Variants in ERBB4 observed in about 807,000 individuals in gnomAD.
ERBB4 encodes the protein receptor tyrosine-protein kinase erbB-4.
Under a neutral mutation model 158.0 loss-of-function variants are expected in ERBB4, and 42 were observed. The observed-to-expected ratio is 0.27, with a 90% confidence interval of 0.21 to 0.34. The LOEUF (loss-of-function observed/expected upper bound fraction) is 0.34. Among genes scored for constraint, ERBB4 ranks in the 10% least tolerant of loss-of-function variants. The pLI, the probability that ERBB4 is intolerant of heterozygous loss-of-function variation, is 1.00. For missense variants in ERBB4, 1,333 were observed against 1,624.1 expected (o/e 0.82, Z 3.08); for synonymous variants, 583 against 558.7 (o/e 1.04, Z -0.61).
At chr2:211,516,582 G>C (rs1007970798) in intron 20 of ERBB4, among the ~76,000 whole-genome samples, 1 of 151,914 alleles carries the variant, frequency 6.6e-6, no homozygotes, top group Non-Finnish European at 1.5e-5. Flanking sequence ...TGATCTGCTG[G>C]ACTCAGCCTC....
chr2:212,177,048 A>AT (rs2081688322), intron 1 of ERBB4, among the ~76,000 whole-genome samples: 1 of 151,866 alleles, frequency 6.6e-6, no homozygotes, highest in Admixed American at 6.6e-5. Flanking sequence ...TTCAAAAAAA[A>AT]TTAAATGAAA....
At chr2:211,571,041 C>CTTTTTTTTTTTTTTTTTTT (rs549254649) in intron 19 of ERBB4, among the ~76,000 whole-genome samples, 2 of 109,080 alleles carry the variant, frequency 1.8e-5, no homozygotes, top group African/African-American at 7.1e-5. Flanking sequence ...TACTCTTCTT[C>CTTTTTTTTTTTTTTTTTTT]TTTTTTTTTT....
chr2:211,679,647 A>T (rs1009950252), intron 12 of ERBB4, among the ~76,000 whole-genome samples: 7 of 149,848 alleles, frequency 4.7e-5, no homozygotes, highest in Non-Finnish European at 5.9e-5. Flanking sequence ...ATAGAGGGTA[A>T]GAAGGGGAGA....
intron 1 of ERBB4, among the ~76,000 whole-genome samples, chr2:212,404,185 C>T (rs1440624581): frequency 1.3e-5 from 2 of 152,032 alleles, no homozygotes; most frequent in African/African-American, 2.4e-5. Context: ...CCCTCAGTTC[C>T]AGCAGAAGCT....
intron 1 of ERBB4, among the ~76,000 whole-genome samples, chr2:212,276,037 T>C (rs1034268243): frequency 2.6e-5 from 4 of 151,798 alleles, no homozygotes; most frequent in African/African-American, 4.8e-5. Context: ...AGTGGACCCA[T>C]GCAGTTCAAG....
chr2:211,409,500 C>T (rs1003142197), intron 25 of ERBB4, among the ~76,000 whole-genome samples: 2 of 152,160 alleles, frequency 1.3e-5, no homozygotes, highest in African/African-American at 4.8e-5. Flanking sequence ...AGTCCCGATA[C>T]AGACATTGTT....
At chr2:211,978,899 G>GT (rs1052936623) in intron 2 of ERBB4, among the ~76,000 whole-genome samples, 53 of 152,130 alleles carry the variant, frequency 3.5e-4, no homozygotes, top group African/African-American at 1.2e-3. Context: ...TTTAAATAGT[G>GT]TTTTTTTCCT....
rs150901529 is a variant in ERBB4, at chr2:212,416,542, G to A, written c.82+121907C>T. On this transcript the variant is annotated intron_variant, in intron 1 of 27. Transcript: ENST00000342788. ...AAACTCTTGAGTTTCAAACTGCCTC[G>A]TTCTTAAATCTTCAACCTCACATAA... Among the ~76,000 whole-genome samples the A allele has an allele frequency of 7.2e-3, 1,102 of 152,002 alleles. 9 individuals carry two copies. The highest frequency in any genetic ancestry group is 0.025 in the African/African-American group (1,036 of 41,486).
intron 1 of ERBB4, among the ~76,000 whole-genome samples, chr2:212,464,924 AC>A (rs1688755099): frequency 1.4e-5 from 2 of 147,322 alleles, no homozygotes; most frequent in Non-Finnish European, 3.0e-5. Context: ...ACACACACAC[AC>A]ACCCCTTAGA....
intron 1 of ERBB4, among the ~76,000 whole-genome samples, chr2:212,414,822 T>C (rs2105885432): frequency 6.6e-6 from 1 of 152,210 alleles, no homozygotes; most frequent in Non-Finnish European, 1.5e-5. Flanking sequence ...TCACAGTCTG[T>C]GACCAGACTG....
chr2:212,406,729 G>C (rs1196044624), intron 1 of ERBB4, among the ~76,000 whole-genome samples: 1 of 152,066 alleles, frequency 6.6e-6, no homozygotes, highest in East Asian at 1.9e-4. Flanking sequence ...GTATTTGTGA[G>C]TCAATAGATT....
At chr2:211,624,618 C>T (rs1485399112) in intron 17 of ERBB4, among the ~76,000 whole-genome samples, 3 of 152,170 alleles carry the variant, frequency 2.0e-5, no homozygotes, top group Non-Finnish European at 4.4e-5. Context: ...CCCAAGTTTA[C>T]CTGTTAAATC....
chr2:211,859,996 A>C (rs1559583750), intron 3 of ERBB4, among the ~76,000 whole-genome samples: 1 of 152,232 alleles, frequency 6.6e-6, no homozygotes, highest in Non-Finnish European at 1.5e-5. Context: ...CATTAAATTT[A>C]TCTTACAAGT....
At chr2:211,550,355 T>C (rs965780173) in intron 20 of ERBB4, among the ~76,000 whole-genome samples, 7 of 151,836 alleles carry the variant, frequency 4.6e-5, no homozygotes, top group African/African-American at 9.6e-5. Context: ...TCTGATACTA[T>C]AGAATAATTC....
At position 211,436,424 on chromosome 2, in the gene ERBB4, G is replaced by A. The variant is rs566058455; in HGVS notation, c.2488-5324C>T. The stretch of plus-strand genomic sequence containing the variant: ...CCATGTTCTAGCCCTGTCACTCTGA[G>A]AAACTTATTTACTCTCTCTGTCATC... On this transcript the variant is annotated intron_variant, in intron 20 of 27. Coordinates refer to ENST00000342788, the MANE Select transcript of ERBB4 (RefSeq NM_005235.3). 2.0e-5 allele frequency among the ~76,000 whole-genome samples: 3 copies of A among 152,190 alleles called. No individual in the cohort carries two copies. The South Asian group carries it at 6.2e-4, about 32-fold the overall frequency.
intron 1 of ERBB4, among the ~76,000 whole-genome samples, chr2:212,415,384 T>C (rs1488912756): frequency 6.6e-6 from 1 of 152,116 alleles, no homozygotes; most frequent in African/African-American, 2.4e-5. Flanking sequence ...TAATGAAAAA[T>C]AGTAGTGTAA....
intron 1 of ERBB4, among the ~76,000 whole-genome samples, chr2:212,283,206 G>A (rs1430159550): frequency 6.6e-6 from 1 of 151,830 alleles, no homozygotes; most frequent in Non-Finnish European, 1.5e-5. Flanking sequence ...AGTACAGGAG[G>A]CAAAAAAGCA....
At chr2:212,158,920 T>C (rs2081120749) in intron 1 of ERBB4, among the ~76,000 whole-genome samples, 1 of 151,968 alleles carries the variant, frequency 6.6e-6, no homozygotes, top group Admixed American at 6.6e-5. Flanking sequence ...AATGAGAATA[T>C]TAATGTAGGG....
At chr2:211,843,421 A>G (rs1473939018) in intron 3 of ERBB4, among the ~76,000 whole-genome samples, 4 of 151,854 alleles carry the variant, frequency 2.6e-5, no homozygotes, top group African/African-American at 9.7e-5. Flanking sequence ...GTGTGCACAC[A>G]CACACACACA....
Sources: allele counts gnomAD v4.1 joint callset (sites outside exome capture counted in the v4.1 genomes callset), GRCh38; gene constraint gnomAD v4.1.1; transcripts MANE v1.5; gene names NCBI Gene and HGNC (gene_info 2026-07-23, HGNC 2026-07-21).